The following GRID1 variants were observed in gnomAD, a reference collection of about 807,000 sequenced individuals.
The protein encoded by GRID1 is glutamate ionotropic receptor delta type subunit 1.
A neutral mutation model predicts 98.0 loss-of-function variants in GRID1; 28 were observed. The observed-to-expected ratio is 0.29, with a 90% CI of 0.21 to 0.39. The LOEUF (loss-of-function observed/expected upper bound fraction) is 0.39, where lower values mean the gene tolerates loss of function less well. Ranked by LOEUF, GRID1 falls within the 10% of genes least tolerant of loss-of-function variation. GRID1 has a pLI of 1.00. For synonymous variants in GRID1, 553 were observed against 538.5 expected (o/e 1.03, Z -0.37); for missense variants, 1,111 against 1,340.5 (o/e 0.83, Z 2.67).
intron 3 of GRID1, among the ~76,000 whole-genome samples, chr10:86,169,642 C>G (rs570184711): frequency 1.3e-5 from 2 of 152,334 alleles, no homozygotes; most frequent in South Asian, 4.1e-4. Flanking sequence ...CAAAATTCCT[C>G]TAGCAGTTTC....
intron 8 of GRID1, among the ~76,000 whole-genome samples, chr10:85,813,622 A>G (rs1842692232): frequency 6.6e-6 from 1 of 151,960 alleles, no homozygotes; most frequent in South Asian, 2.1e-4. Context: ...GCTTTAAAAC[A>G]TTTTTTAAAA....
At chr10:86,224,731 C>A (rs898656701) in intron 2 of GRID1, among the ~76,000 whole-genome samples, 2 of 152,180 alleles carry the variant, frequency 1.3e-5, no homozygotes, top group African/African-American at 4.8e-5. Flanking sequence ...GAGCACTGGC[C>A]ACTAAAATAA....
chr10:86,051,308 C>CA (rs374035221), intron 4 of GRID1, among the ~76,000 whole-genome samples: 1,338 of 104,312 alleles, frequency 0.013, 16 homozygotes, highest in African/African-American at 0.03. Context: ...AATTATATAC[C>CA]AAAAAAAAAA....
chr10:85,804,364 A>G (rs562269338), intron 8 of GRID1, among the ~76,000 whole-genome samples: 1 of 151,964 alleles, frequency 6.6e-6, no homozygotes, highest in Admixed American at 6.6e-5. Flanking sequence ...TGTAACAATT[A>G]AAGATATTGA....
At chr10:86,012,425 G>C (rs1360754375) in intron 4 of GRID1, among the ~76,000 whole-genome samples, 2 of 152,130 alleles carry the variant, frequency 1.3e-5, no homozygotes, top group African/African-American at 2.4e-5. Context: ...CTAACCCATG[G>C]AGAGAGCTGG....
chr10:85,680,764 A>G (rs1182256014), intron 12 of GRID1, among the ~76,000 whole-genome samples: 1 of 152,222 alleles, frequency 6.6e-6, no homozygotes, highest in Non-Finnish European at 1.5e-5. Context: ...TTGACCAGAT[A>G]AAGAAAATGT....
chr10:86,302,372 T>C (rs1476165332), intron 2 of GRID1, among the ~76,000 whole-genome samples: 1 of 152,184 alleles, frequency 6.6e-6, no homozygotes, highest in African/African-American at 2.4e-5. Flanking sequence ...GGGGTACTTT[T>C]TGTGAATGAA....
intron 8 of GRID1, among the ~76,000 whole-genome samples, chr10:85,821,539 A>AAAAAAAAAAAAAAAAGCAAAC (rs770693495): frequency 1.0e-5 from 1 of 97,594 alleles, no homozygotes; most frequent in African/African-American, 3.9e-5. Context: ...AAAAAAAAAA[A>AAAAAAAAAAAAAAAAGCAAAC]AAAAAAGAAA....
chr10:86,042,777 T>G (rs1843364981), intron 4 of GRID1, among the ~76,000 whole-genome samples: 1 of 152,156 alleles, frequency 6.6e-6, no homozygotes, highest in Non-Finnish European at 1.5e-5. Context: ...AAAAACTTTC[T>G]GAGAAGCCAT....
intron 15 of GRID1, among the ~76,000 whole-genome samples, chr10:85,603,612 C>T (rs1382027375): frequency 1.3e-5 from 2 of 152,236 alleles, no homozygotes; most frequent in Non-Finnish European, 2.9e-5. Flanking sequence ...TGCCTGAAAG[C>T]TCAAGGAAGA....
At chr10:85,987,049 C>G (rs1307698134) in intron 4 of GRID1, among the ~76,000 whole-genome samples, 3 of 152,124 alleles carry the variant, frequency 2.0e-5, no homozygotes, top group Non-Finnish European at 4.4e-5. Flanking sequence ...TCCTCCCCAT[C>G]TAGGACCAGA....
At chr10:86,261,048 C>T (rs1847009443) in intron 2 of GRID1, among the ~76,000 whole-genome samples, 2 of 152,220 alleles carry the variant, frequency 1.3e-5, no homozygotes, top group South Asian at 2.1e-4. Context: ...AGCCTCTGTG[C>T]CCACTCCACA....
intron 10 of GRID1, 109 bp from the exon 11 acceptor site, chr10:85,724,785 T>C: frequency 2.6e-6 from 2 of 778,588 alleles, no homozygotes; most frequent in Non-Finnish European, 4.0e-6. Context: ...TTCAGAGGAA[T>C]GGATTTGAGA....
At chr10:86,140,965 T>A (rs556008695) in intron 3 of GRID1, among the ~76,000 whole-genome samples, 2 of 152,032 alleles carry the variant, frequency 1.3e-5, no homozygotes, top group East Asian at 1.9e-4. Context: ...AAATGCATGA[T>A]CACCCAACCA....
intron 2 of GRID1, among the ~76,000 whole-genome samples, chr10:86,227,554 A>C (rs1291999220): frequency 6.7e-6 from 1 of 149,048 alleles, no homozygotes; most frequent in African/African-American, 2.4e-5. Flanking sequence ...ACCCAGCCCC[A>C]AGACCCTCAT....
chr10:86,194,737 C>T (rs141035279), intron 3 of GRID1, among the ~76,000 whole-genome samples: 1 of 152,240 alleles, frequency 6.6e-6, no homozygotes, highest in East Asian at 1.9e-4. Flanking sequence ...AGCCCCTCTG[C>T]CCTGCTGGAA....
At chr10:85,682,079 G>A (rs1251613727) in intron 12 of GRID1, among the ~76,000 whole-genome samples, 2 of 152,120 alleles carry the variant, frequency 1.3e-5, no homozygotes, top group South Asian at 4.1e-4. Flanking sequence ...TGCCTTCTCA[G>A]AACCAGCTGG....
intron 4 of GRID1, among the ~76,000 whole-genome samples, chr10:86,069,488 C>T (rs1564665461): frequency 6.6e-6 from 1 of 152,090 alleles, no homozygotes; most frequent in Admixed American, 6.6e-5. Context: ...CTCTACCAAA[C>T]ATACAAAAAA....
intron 2 of GRID1, among the ~76,000 whole-genome samples, chr10:86,351,254 A>G (rs939167759): frequency 2.0e-5 from 3 of 152,260 alleles, no homozygotes; most frequent in Admixed American, 6.5e-5. Flanking sequence ...TGAAACATGC[A>G]CAAGACGGTG....
Sources: gnomAD v4.1 joint callset for allele counts (sites outside exome capture counted in the v4.1 genomes callset) on GRCh38, gnomAD v4.1.1 for gene constraint, MANE v1.5 for transcripts, NCBI Gene and HGNC (gene_info 2026-07-23, HGNC 2026-07-21) for gene names.